Variants in BABAM2 observed in about 807,000 individuals in gnomAD.
BABAM2 encodes BRISC and BRCA1-A complex member 2.
In BABAM2, 31 loss-of-function variants were observed where a neutral mutation model predicts 54.7. The observed-to-expected ratio is 0.57, with a 90% confidence interval of 0.43 to 0.77. The LOEUF (loss-of-function observed/expected upper bound fraction) is 0.77. BABAM2 is among the 30% of genes least tolerant of loss of function. The pLI, the probability that BABAM2 is intolerant of heterozygous loss-of-function variation, is 0.00. For missense variants in BABAM2, 364 were observed against 455.8 expected (o/e 0.80, Z 1.83); for synonymous variants, 167 against 162.9 (o/e 1.03, Z -0.19).
chr2:28,291,626 T>C (rs577372929), intron 10 of BABAM2, among the ~76,000 whole-genome samples: 8 of 152,232 alleles, frequency 5.3e-5, no homozygotes, highest in African/African-American at 1.9e-4. Flanking sequence ...GATAATTTGT[T>C]TACATGATCA....
intron 3 of BABAM2, among the ~76,000 whole-genome samples, chr2:27,983,165 C>A (rs1470276005): frequency 6.6e-6 from 1 of 151,936 alleles, no homozygotes; most frequent in Non-Finnish European, 1.5e-5. Flanking sequence ...ATGTTCTCAC[C>A]CACCCTTGTT....
chr2:28,098,203 A>G (rs1318528654), intron 6 of BABAM2, among the ~76,000 whole-genome samples: 2 of 152,170 alleles, frequency 1.3e-5, no homozygotes, highest in Non-Finnish European at 2.9e-5. Context: ...TTCTTCATTT[A>G]TCTGTCTGTC....
intron 10 of BABAM2, 90 bp downstream of exon 10, chr2:28,244,952 C>T (rs1682781190): frequency 7.3e-6 from 8 of 1,089,448 alleles, no homozygotes; most frequent in Non-Finnish European, 9.5e-6. Context: ...CTTTTCTGTC[C>T]TGTCTCGGTT....
intron 6 of BABAM2, among the ~76,000 whole-genome samples, chr2:28,120,562 C>T (rs1422844828): frequency 6.6e-6 from 1 of 152,156 alleles, no homozygotes; most frequent in Non-Finnish European, 1.5e-5. Context: ...ATAATTAGTT[C>T]CTACCTTACA....
intron 4 of BABAM2, among the ~76,000 whole-genome samples, chr2:27,998,769 A>C (rs1014756859): frequency 1.3e-5 from 2 of 152,222 alleles, no homozygotes; most frequent in Non-Finnish European, 2.9e-5. Context: ...TACTAAAAAA[A>C]GCTATTAATT....
At chr2:27,954,168 T>C (rs1669931073) in intron 3 of BABAM2, among the ~76,000 whole-genome samples, 1 of 152,248 alleles carries the variant, frequency 6.6e-6, no homozygotes, top group South Asian at 2.1e-4. Flanking sequence ...TTTGTACTTA[T>C]GCCTAAACCT....
chr2:28,323,084 C>G (rs1283057108), intron 11 of BABAM2, among the ~76,000 whole-genome samples: 1 of 152,210 alleles, frequency 6.6e-6, no homozygotes, highest in Non-Finnish European at 1.5e-5. Context: ...CCAGGGTGAG[C>G]ACGCAGCTCT....
rs548592548 is a variant in BABAM2, at chr2:28,143,860, A to G, written c.680+14480A>G. Among the ~76,000 whole-genome samples, 6 of 152,270 alleles carry G rather than the reference A, an allele frequency of 3.9e-5. No individual in the cohort carries two copies. The South Asian group carries it at 1.2e-3, about 32-fold the overall frequency. ...GTGACAAAACAGAGAAAGGATCAGAAACTTACCTGAGTTCTGAAGTTCATT... is the reference window on the plus strand; with the variant it reads ...GTGACAAAACAGAGAAAGGATCAGAGACTTACCTGAGTTCTGAAGTTCATT... On this transcript the variant is annotated intron_variant, in intron 7 of 11. Coordinates refer to ENST00000379624, the MANE Select transcript of BABAM2 (RefSeq NM_199191.3).
chr2:27,909,490 G>T (rs1195563667), intron 2 of BABAM2, among the ~76,000 whole-genome samples: 1 of 152,124 alleles, frequency 6.6e-6, no homozygotes, highest in Non-Finnish European at 1.5e-5. Flanking sequence ...TGATTTGCAA[G>T]TATCCCATCC....
chr2:28,101,379 G>C (rs73922226), intron 6 of BABAM2, among the ~76,000 whole-genome samples: 2,204 of 152,200 alleles, frequency 0.014, 42 homozygotes, highest in African/African-American at 0.05. Flanking sequence ...TACCATATTT[G>C]GTGTGTGTTA....
intron 5 of BABAM2, 198 bp downstream of exon 5, chr2:28,025,618 A>C: frequency 2.0e-6 from 1 of 509,350 alleles, no homozygotes; most frequent in South Asian, 4.5e-5. Flanking sequence ...TTACCTGGGA[A>C]GTTTGTAAGA....
chr2:28,213,479 A>G (rs941628256), intron 7 of BABAM2, among the ~76,000 whole-genome samples: 11 of 152,136 alleles, frequency 7.2e-5, no homozygotes, highest in Non-Finnish European at 1.5e-4. Context: ...ATTTAGTGAG[A>G]CCAAGGGTGG....
chr2:28,049,443 G>A (rs1421352881), intron 6 of BABAM2, among the ~76,000 whole-genome samples: 4 of 152,128 alleles, frequency 2.6e-5, no homozygotes, highest in Non-Finnish European at 5.9e-5. Context: ...CCTAGCCCAG[G>A]TTAGAAGTAA....
chr2:28,114,502 G>A (rs1430312834), intron 6 of BABAM2, among the ~76,000 whole-genome samples: 2 of 152,148 alleles, frequency 1.3e-5, no homozygotes, highest in Non-Finnish European at 2.9e-5. Context: ...TGAAGAAGAA[G>A]GAAGAAACTT....
intron 9 of BABAM2, among the ~76,000 whole-genome samples, chr2:28,242,253 C>T (rs533078592): frequency 6.6e-6 from 1 of 152,306 alleles, no homozygotes; most frequent in South Asian, 2.1e-4. Context: ...GATGCAAAAG[C>T]GGTGGCTCGC....
At chr2:28,181,896 T>C (rs1675679775) in intron 7 of BABAM2, among the ~76,000 whole-genome samples, 2 of 152,012 alleles carry the variant, frequency 1.3e-5, no homozygotes, top group Admixed American at 1.3e-4. Context: ...AGGGAAAAGC[T>C]TCACTGCGAA....
At chr2:28,267,541 G>A (rs1447019712) in intron 10 of BABAM2, among the ~76,000 whole-genome samples, 1 of 152,118 alleles carries the variant, frequency 6.6e-6, no homozygotes, top group Admixed American at 6.5e-5. Context: ...AGTCTCTGTG[G>A]CTAACACAGT....
At chr2:27,923,806 A>G (rs1436598512) in intron 2 of BABAM2, among the ~76,000 whole-genome samples, 1 of 152,068 alleles carries the variant, frequency 6.6e-6, no homozygotes, top group Non-Finnish European at 1.5e-5. Flanking sequence ...CCTTGCCTCT[A>G]TTAAAAATAC....
intron 10 of BABAM2, among the ~76,000 whole-genome samples, chr2:28,291,882 C>T (rs764353089): frequency 9.2e-5 from 14 of 152,186 alleles, no homozygotes; most frequent in Non-Finnish European, 1.5e-4. Context: ...GTAGTAAGAT[C>T]GTGGTTGCTC....
Sources: gnomAD v4.1 joint callset for allele counts (sites outside exome capture counted in the v4.1 genomes callset) on GRCh38, gnomAD v4.1.1 for gene constraint, MANE v1.5 for transcripts, NCBI Gene and HGNC (gene_info 2026-07-23, HGNC 2026-07-21) for gene names.